The following CEP72 variants were observed in gnomAD, a reference collection of about 807,000 sequenced individuals.
CEP72 encodes the protein centrosomal protein of 72 kDa.
CEP72 carries 78 observed loss-of-function variants against 65.7 expected under a neutral mutation model. The ratio of observed to expected loss-of-function variants is 1.19; its 90% CI spans 0.99 to 1.43. CEP72 has a LOEUF of 1.43. Among genes scored for constraint, CEP72 ranks in the 40% most tolerant of loss-of-function variants. The probability of loss-of-function intolerance (pLI) is 0.00; values close to 1 mark genes in which losing one functional copy is unlikely to be tolerated. For synonymous variants in CEP72, 358 were observed against 351.7 expected (o/e 1.02, Z -0.20); for missense variants, 914 against 832.9 (o/e 1.10, Z -1.20).
chr5:632,104 G>A lies in CEP72; in HGVS notation c.513-1665G>A. Among the ~76,000 whole-genome samples the A allele has an allele frequency of 3.4e-5, 2 of 59,460 alleles. 1 individual carries two copies. Among genetic ancestry groups the A allele is most frequent in the Non-Finnish European group, 6.9e-5 (2 of 29,052 alleles). 39.0% of individuals were successfully genotyped at this position (59,460 alleles called of 152,430 possible). A position where few individuals can be genotyped will look rare whatever the true frequency, so the allele number is the denominator to read the frequency against. On this transcript the variant is annotated intron_variant, in intron 4 of 11. Coordinates refer to ENST00000264935, the MANE Select transcript of CEP72 (RefSeq NM_018140.4). ...CCTGGTGGGGTTCTGTCCAGTGCCG[G>A]GATTTAGACCAGTCCTGGTGGGGTT...
intron 1 of CEP72, among the ~76,000 whole-genome samples, chr5:617,049 C>T (rs1377300341): frequency 2.0e-5 from 3 of 152,192 alleles, no homozygotes; most frequent in South Asian, 2.1e-4. Context: ...TCCTGCCAGG[C>T]CCCTCCTGGT....
intron 11 of CEP72, among the ~76,000 whole-genome samples, chr5:652,194 T>C (rs1739155798): frequency 6.6e-6 from 1 of 152,182 alleles, no homozygotes; most frequent in Non-Finnish European, 1.5e-5. Context: ...TTGAGCACTG[T>C]GGCCTGGATG....
the CEP72 span, among the ~76,000 whole-genome samples, chr5:672,965 C>T: frequency 1.1e-4 from 17 of 152,220 alleles, no homozygotes; most frequent in Non-Finnish European, 2.1e-4. Flanking sequence ...CCCGAGCTGG[C>T]GCCACGCCGG....
intron 2 of CEP72, among the ~76,000 whole-genome samples, chr5:619,801 A>G (rs1313542037): frequency 3.3e-5 from 5 of 151,932 alleles, no homozygotes; most frequent in African/African-American, 7.3e-5. Context: ...CGTGCACATC[A>G]CTCAGCTTGC....
chr5:639,149 C>T lies in CEP72; in HGVS notation c.1267C>T (p.Leu423=). 1.2e-6 allele frequency: 2 copies of T among 1,612,920 alleles called. No individual in the cohort carries two copies. The highest frequency in any genetic ancestry group is 1.7e-6 in the Non-Finnish European group (2 of 1,179,634). Residue 423 remains leucine (L), a synonymous_variant, in exon 8 of 12, where the codon CTG becomes TTG. Transcript: ENST00000264935. The stretch of plus-strand genomic sequence containing the variant: ...GAAGACGGCCCTGCAGGCGGCGCTC[C>T]TGGAGACGCTCTTGGACCTGGTGGA... ...GKKTALQAAL[L]ETLLDLVDRS... is the part of the protein sequence containing the mutation.
intron 9 of CEP72, chr5:643,998 G>T: frequency 6.2e-6 from 2 of 321,842 alleles, no homozygotes; most frequent in East Asian, 7.7e-5. Context: ...CCAGCATCAG[G>T]CCTGCAGGTC....
intron 1 of CEP72, among the ~76,000 whole-genome samples, chr5:618,463 A>G (rs1333860720): frequency 1.3e-5 from 2 of 152,200 alleles, no homozygotes; most frequent in East Asian, 3.8e-4. Context: ...ATACTGTTAG[A>G]GGAAGAAATG....
intron 11 of CEP72, among the ~76,000 whole-genome samples, chr5:648,200 TGGACTGTGAGATG>T (rs1738552434): frequency 2.0e-5 from 3 of 150,742 alleles, no homozygotes; most frequent in Admixed American, 1.3e-4. Flanking sequence ...CCACGAGGCA[TGGACTGTGAGATG>T]GGACTGTGAG....
Position 612,368 on chromosome 5 carries a change from C to A in CEP72, c.7C>A (p.Arg3=). MA[R]AGPRLVLSEE... Reference sequence around the variant, plus strand: ...CGAGGGCTCCGTTTGAAACATGGCGCGGGCTGGCCCTCGGCTGGTGCTGAG... The same window carrying A: ...CGAGGGCTCCGTTTGAAACATGGCGAGGGCTGGCCCTCGGCTGGTGCTGAG... Residue 3 remains arginine (R), a synonymous_variant, in exon 1 of 12, where the codon CGG becomes AGG. Coordinates refer to ENST00000264935, the MANE Select transcript of CEP72 (RefSeq NM_018140.4). The A allele has an allele frequency of 6.7e-7, 1 of 1,489,174 alleles. No individual in the cohort carries two copies. Among genetic ancestry groups the A allele is most frequent in the East Asian group, 2.9e-5 (1 of 34,642 alleles). The allele number at this position is 1,489,174 out of a possible 1,614,324, so 92.2% of individuals were successfully genotyped here. A position where few individuals can be genotyped will look rare whatever the true frequency, so the allele number is the denominator to read the frequency against.
At chr5:665,171 G>A (rs138152607) in intron 2 of CEP72, 48 of 1,613,652 alleles carry the variant, frequency 3.0e-5, no homozygotes, top group East Asian at 6.7e-5. Context: ...AGCCTGACTC[G>A]TCCACCAGAT....
the CEP72 span, among the ~76,000 whole-genome samples, chr5:673,234 C>T: frequency 6.0e-4 from 91 of 152,330 alleles, 1 homozygote; most frequent in Middle Eastern, 6.8e-3. Context: ...GTCCCCAACG[C>T]CTCGTGGTGG....
At chr5:628,183 G>A (rs1736878586) in intron 4 of CEP72, among the ~76,000 whole-genome samples, 1 of 152,388 alleles carries the variant, frequency 6.6e-6, no homozygotes. Context: ...GTCCCGGCGT[G>A]AAAGCTTCAG....
chr5:670,035 T>A (rs1740153453), downstream of CEP72, among the ~76,000 whole-genome samples: 1 of 152,116 alleles, frequency 6.6e-6, no homozygotes, highest in African/African-American at 2.4e-5. Context: ...CCGCTGCTCA[T>A]ACACGATGCC....
chr5:637,772 C>T lies in CEP72; in HGVS notation c.1160C>T (p.Ser387Leu), dbSNP rs766190281. 6.4e-5 allele frequency: 102 copies of T among 1,605,546 alleles called. No homozygotes were observed. The highest frequency in any genetic ancestry group is 6.1e-4 in the Admixed American group (36 of 59,202). Residue 387 changes from serine to leucine, a missense_variant, in exon 7 of 12, where the codon TCG (serine) becomes TTG (leucine). Transcript: ENST00000264935. ...NGRTLSQPEA[S>L]ETEEQRSRGV... The stretch of plus-strand genomic sequence containing the variant: ...AGGACCTTGTCTCAGCCTGAGGCCT[C>T]GGAGACTGAGGAGCAGAGGTCTCGG...
At chr5:665,294 T>C (rs1380322639) in exon 3 of CEP72, 1 of 1,612,158 alleles carries the variant, frequency 6.2e-7, no homozygotes, top group East Asian at 2.2e-5. Flanking sequence ...ACGAGATGGC[T>C]TTCTGCAAGA....
intron 3 of CEP72, among the ~76,000 whole-genome samples, chr5:620,768 A>G (rs1736336880): frequency 6.6e-6 from 1 of 152,242 alleles, no homozygotes; most frequent in Admixed American, 6.5e-5. Flanking sequence ...CTCCTGAAAG[A>G]AAAGGCTTTC....
chr5:618,650 A>C (rs578000211), intron 1 of CEP72, among the ~76,000 whole-genome samples: 26 of 152,272 alleles, frequency 1.7e-4, no homozygotes, highest in Non-Finnish European at 2.9e-4. Context: ...CAGTGGATGG[A>C]AAATGACTGA....
At chr5:635,296 G>A (rs1431839875) in intron 5 of CEP72, 76 bp from the exon 6 acceptor site, 2 of 1,182,884 alleles carry the variant, frequency 1.7e-6, no homozygotes, top group East Asian at 2.6e-5. Flanking sequence ...CTATTCAGAA[G>A]CTTAAAATGT....
rs546753555 is a variant in CEP72, at chr5:623,339, C to T, written c.404-1132C>T. Among the ~76,000 whole-genome samples the T allele has an allele frequency of 5.7e-4, 87 of 152,366 alleles. No individual in the cohort carries two copies. Among genetic ancestry groups the T allele is most frequent in the Middle Eastern group, 3.4e-3 (1 of 294 alleles). ...GACGGCCTGCTGCCCTGCGTGGTGC[C>T]TCCTGGAGTGGGCTCGGTCCTTGGC... is the stretch of plus-strand genomic sequence containing the variant. On this transcript the variant is annotated intron_variant, in intron 3 of 11. Coordinates refer to ENST00000264935, the MANE Select transcript of CEP72 (RefSeq NM_018140.4). The surrounding 1 kb of genome is among the most constrained non-coding windows in gnomAD (Gnocchi z 5.3).
Sources: allele counts gnomAD v4.1 joint callset (sites outside exome capture counted in the v4.1 genomes callset), GRCh38; gene constraint gnomAD v4.1.1; non-coding constraint Gnocchi (gnomAD v3.1); transcripts MANE v1.5; gene names NCBI Gene and HGNC (gene_info 2026-07-23, HGNC 2026-07-21).